The following DNAH9 variants were observed in gnomAD, a reference collection of about 807,000 sequenced individuals.
DNAH9 encodes DNAH9 variant protein.
In DNAH9, 345 loss-of-function variants were observed where a neutral mutation model predicts 471.6. That is an observed-to-expected ratio of 0.73 (90% CI 0.67 to 0.80). The LOEUF (loss-of-function observed/expected upper bound fraction) is 0.80, where lower values mean the gene tolerates loss of function less well. Among genes scored for constraint, DNAH9 ranks in the 30% least tolerant of loss-of-function variants. The pLI is 0.00. For synonymous variants in DNAH9, 2,093 were observed against 2,123.6 expected, an observed-to-expected ratio of 0.99 and a Z score of 0.40; for missense variants, 5,407 against 5,609.2, an observed-to-expected ratio of 0.96 and a Z score of 1.15.
chr17:11,668,281 C>A (rs572805007), intron 15 of DNAH9, among the ~76,000 whole-genome samples: 2 of 152,154 alleles, frequency 1.3e-5, no homozygotes, highest in Non-Finnish European at 2.9e-5. Context: ...CGTTGACAAG[C>A]CTGCCCCTGT....
intron 6 of DNAH9, among the ~76,000 whole-genome samples, chr17:11,621,533 G>A (rs959245739): frequency 2.0e-5 from 3 of 152,052 alleles, no homozygotes; most frequent in African/African-American, 4.8e-5. Flanking sequence ...ATGATGAACA[G>A]AGCAAACCAT....
intron 42 of DNAH9, among the ~76,000 whole-genome samples, chr17:11,795,044 G>A (rs1346571578): frequency 2.0e-5 from 3 of 148,602 alleles, no homozygotes; most frequent in Non-Finnish European, 3.0e-5. Context: ...TGCATGTTGT[G>A]CACATGTACC....
At chr17:11,632,178 A>G (rs1167066946) in intron 7 of DNAH9, among the ~76,000 whole-genome samples, 1 of 152,184 alleles carries the variant, frequency 6.6e-6, no homozygotes, top group Non-Finnish European at 1.5e-5. Context: ...ACAATGGAAA[A>G]ACAGAATTCT....
intron 68 of DNAH9, among the ~76,000 whole-genome samples, chr17:11,968,325 TAAAAG>T (rs1477426782): frequency 1.3e-5 from 2 of 152,164 alleles, no homozygotes; most frequent in Admixed American, 6.5e-5. Flanking sequence ...CATCAGCCTC[TAAAAG>T]AAGTGAAGAG....
At chr17:11,627,403 C>T (rs2072989045) in intron 6 of DNAH9, among the ~76,000 whole-genome samples, 1 of 152,134 alleles carries the variant, frequency 6.6e-6, no homozygotes, top group African/African-American at 2.4e-5. Context: ...AACGCATCTA[C>T]CTTTTAAAAT....
chr17:11,694,468 C>A, intron 22 of DNAH9, 21 bp downstream of exon 22: 1 of 1,613,050 alleles, frequency 6.2e-7, no homozygotes, highest in African/African-American at 1.3e-5. Context: ...GGAGCATCTG[C>A]AGAAAGGTCT....
intron 20 of DNAH9, among the ~76,000 whole-genome samples, chr17:11,693,237 C>CTTTT (rs776422086): frequency 9.3e-4 from 72 of 77,432 alleles, no homozygotes; most frequent in African/African-American, 2.7e-3. Flanking sequence ...TTAAAATGCC[C>CTTTT]TTTTTTTTTT....
intron 1 of DNAH9, among the ~76,000 whole-genome samples, chr17:11,605,672 C>CTTTTTTTTTTTT (rs1597382017): frequency 3.3e-4 from 34 of 101,724 alleles, no homozygotes; most frequent in African/African-American, 1.0e-3. Flanking sequence ...GGCAATTTTT[C>CTTTTTTTTTTTT]TATTTTTTTT....
intron 41 of DNAH9, among the ~76,000 whole-genome samples, chr17:11,787,637 G>A (rs764111592): frequency 1.3e-5 from 2 of 152,154 alleles, no homozygotes; most frequent in African/African-American, 4.8e-5. Context: ...AACAGAATTT[G>A]ATAGTGCTCT....
rs550756268 is a variant in DNAH9 at position 11,745,229 on chromosome 17, C to T, written c.6399+145C>T. 1.6e-5 allele frequency: 11 copies of T among 703,682 alleles called. No individual in the cohort carries two copies. In the South Asian group the frequency reaches 2.0e-4, roughly 13 times the overall value. 43.6% of individuals were successfully genotyped at this position (703,682 alleles called of 1,614,324 possible). ...GTAATAACTCAATTCATTTCAACCACTCTTAACTGGGGACCCACAATGTGG... is the reference window on the plus strand; with the variant it reads ...GTAATAACTCAATTCATTTCAACCATTCTTAACTGGGGACCCACAATGTGG... On this transcript the variant is annotated intron_variant, in intron 31 of 68. Coordinates refer to ENST00000262442, the MANE Select transcript of DNAH9 (RefSeq NM_001372.4).
intron 49 of DNAH9, among the ~76,000 whole-genome samples, chr17:11,851,775 G>A (rs1472795094): frequency 6.6e-6 from 1 of 151,984 alleles, no homozygotes; most frequent in East Asian, 1.9e-4. Context: ...ATCTCCCTGT[G>A]TACTTCATCT....
chr17:11,853,410 G>A (rs566971365), intron 49 of DNAH9, among the ~76,000 whole-genome samples: 7 of 152,258 alleles, frequency 4.6e-5, no homozygotes, highest in African/African-American at 7.2e-5. Flanking sequence ...TCTTTCAGCC[G>A]TGTCTTTCTG....
At position 11,623,631 on chromosome 17, in the gene DNAH9, G is replaced by A. The variant is rs987119563; in HGVS notation, c.1350+3850G>A. Among the ~76,000 whole-genome samples, 7 of 152,068 alleles carry A rather than the reference G, an allele frequency of 4.6e-5. No individual in the cohort carries two copies. The highest frequency in any genetic ancestry group is 1.0e-4 in the Non-Finnish European group (7 of 68,022). On this transcript the variant is annotated intron_variant, in intron 6 of 68. Coordinates refer to ENST00000262442, the MANE Select transcript of DNAH9 (RefSeq NM_001372.4). The surrounding 1 kb of genome is among the most constrained non-coding windows in gnomAD (Gnocchi z 4.1). ...CATGTAGGCCTTTAGTTAATATTCT[G>A]TGTATCTCTGTGATCGATGCCTGAT... is the stretch of plus-strand genomic sequence containing the variant.
Position 11,937,293 on chromosome 17 carries a change from G to A in DNAH9, c.12490-59G>A. ...GACTCCCTGCAGAGGACAAGCCGGTGTGGGAGATGGGAGGTACGTCCTGGT... is the reference window on the plus strand; with the variant it reads ...GACTCCCTGCAGAGGACAAGCCGGTATGGGAGATGGGAGGTACGTCCTGGT... On this transcript the variant is annotated intron_variant, in intron 65 of 68. Coordinates refer to ENST00000262442, the MANE Select transcript of DNAH9 (RefSeq NM_001372.4). This position sits in a 1 kb window ranked among gnomAD's most constrained non-coding sequence, Gnocchi z 4.1. The A allele has an allele frequency of 6.4e-7, 1 of 1,550,814 alleles. No individual in the cohort carries two copies. The highest frequency in any genetic ancestry group is 8.7e-7 in the Non-Finnish European group (1 of 1,144,256).
intron 59 of DNAH9, among the ~76,000 whole-genome samples, chr17:11,898,465 C>T (rs1973295674): frequency 1.3e-5 from 2 of 152,150 alleles, no homozygotes; most frequent in Admixed American, 1.3e-4. Flanking sequence ...GATTAGGGTC[C>T]ACACTAGTGA....
intron 12 of DNAH9, among the ~76,000 whole-genome samples, chr17:11,649,121 C>A (rs2073449884): frequency 7.4e-6 from 1 of 135,820 alleles, no homozygotes; most frequent in Admixed American, 7.3e-5. Flanking sequence ...GAGCGAAACT[C>A]CATCTCAAAA....
At position 11,610,351 on chromosome 17, in the gene DNAH9, T is replaced by C. The variant is rs375986945; in HGVS notation, c.615-45T>C. 1.9e-5 allele frequency: 29 copies of C among 1,551,480 alleles called. No individual in the cohort carries two copies. In the African/African-American group the frequency reaches 3.7e-4, roughly 20 times the overall value. On this transcript the variant is annotated intron_variant, in intron 2 of 68. Coordinates refer to ENST00000262442, the MANE Select transcript of DNAH9 (RefSeq NM_001372.4). ...CCAGGGTTATTTTCACGCCTCAGGG[T>C]TTTTGTTTTTGTTGTTATCATTGTT...
At chr17:11,608,033 TTGTA>T in intron 1 of DNAH9, 92 bp from the exon 2 acceptor site, 1 of 914,760 alleles carries the variant, frequency 1.1e-6, no homozygotes. Context: ...CTGCAAAAGG[TTGTA>T]TATAGCTTTA....
rs772099437 is a variant in DNAH9 at position 11,864,637 on chromosome 17, T to TTATTAATG, written c.9934-4495_9934-4488dup. ...GACAGTGGGGTGTTAAAGTCTCTCATTATTAATGTGTGGGAGTCTAAGTCT... is the reference window on the plus strand; with the variant it reads ...GACAGTGGGGTGTTAAAGTCTCTCATTATTAATGTATTAATGTGTGGGAGTCTAAGTCT... On this transcript the variant is annotated intron_variant, in intron 50 of 68. Transcript: ENST00000262442. Among the ~76,000 whole-genome samples the TTATTAATG allele has an allele frequency of 1.4e-3, 214 of 152,328 alleles. 1 individual carries two copies. The highest frequency in any genetic ancestry group is 7.9e-4 in the Non-Finnish European group (54 of 68,034).
Sources: allele counts gnomAD v4.1 joint callset (sites outside exome capture counted in the v4.1 genomes callset), GRCh38; gene constraint gnomAD v4.1.1; non-coding constraint Gnocchi (gnomAD v3.1); transcripts MANE v1.5; gene names NCBI Gene and HGNC (gene_info 2026-07-23, HGNC 2026-07-21).